The following CDH18 variants were observed in gnomAD, a reference collection of about 807,000 sequenced individuals.
CDH18 encodes cadherin 18.
CDH18 carries 31 observed loss-of-function variants against 67.9 expected under a neutral mutation model. The ratio of observed to expected loss-of-function variants is 0.46; its 90% CI spans 0.34 to 0.62. CDH18 has a LOEUF of 0.62. CDH18 is among the 20% of genes least tolerant of loss of function. The pLI, the probability that CDH18 is intolerant of heterozygous loss-of-function variation, is 0.01. For synonymous variants in CDH18, 362 were observed against 347.2 expected (o/e 1.04, Z -0.48); for missense variants, 890 against 975.5 (o/e 0.91, Z 1.17).
Position 19,720,358 on chromosome 5 carries a change from T to A in CDH18, c.643+989A>T, listed in dbSNP as rs1240685260. On this transcript the variant is annotated intron_variant, in intron 5 of 12. Coordinates refer to ENST00000382275, the MANE Select transcript of CDH18 (RefSeq NM_004934.5). ...AGATGTTGATCTGATTCAGAATGCATCTTGCGCTCAAGAAGGATGTATGGT... is the reference window on the plus strand; with the variant it reads ...AGATGTTGATCTGATTCAGAATGCAACTTGCGCTCAAGAAGGATGTATGGT... Among the ~76,000 whole-genome samples the A allele has an allele frequency of 3.3e-5, 5 of 152,188 alleles. No individual in the cohort carries two copies. In the East Asian group the frequency reaches 9.6e-4, roughly 29 times the overall value.
At chr5:20,073,180 G>A (rs1743633962) in intron 2 of CDH18, among the ~76,000 whole-genome samples, 5 of 152,124 alleles carry the variant, frequency 3.3e-5, no homozygotes. Flanking sequence ...ACTAAGATGA[G>A]AGTATCATTT....
chr5:20,314,288 G>A (rs989360272), intron 1 of CDH18, among the ~76,000 whole-genome samples: 6 of 152,000 alleles, frequency 3.9e-5, no homozygotes, highest in Non-Finnish European at 8.8e-5. Context: ...ACTAAAGTCT[G>A]AGGTTCTTCA....
At chr5:19,894,842 C>G (rs1789136577) in intron 2 of CDH18, among the ~76,000 whole-genome samples, 2 of 152,066 alleles carry the variant, frequency 1.3e-5, no homozygotes, top group African/African-American at 2.4e-5. Flanking sequence ...GTCACACTTG[C>G]CTGAAGAATT....
At chr5:19,671,842 G>A (rs1758794314) in intron 5 of CDH18, among the ~76,000 whole-genome samples, 1 of 152,054 alleles carries the variant, frequency 6.6e-6, no homozygotes, top group Admixed American at 6.6e-5. Flanking sequence ...TCATAAGGCA[G>A]GCCAAAAGCA....
intron 1 of CDH18, among the ~76,000 whole-genome samples, chr5:20,398,282 C>T (rs1000529278): frequency 6.6e-6 from 1 of 152,096 alleles, no homozygotes; most frequent in Non-Finnish European, 1.5e-5. Flanking sequence ...AACAGCATAG[C>T]CTTTCATTTT....
intron 5 of CDH18, among the ~76,000 whole-genome samples, chr5:19,714,568 A>G (rs1303426709): frequency 6.6e-6 from 1 of 151,450 alleles, no homozygotes; most frequent in Non-Finnish European, 1.5e-5. Flanking sequence ...AGAGGAACAA[A>G]TTACTTAGCT....
At chr5:19,716,973 G>A (rs1765418077) in intron 5 of CDH18, among the ~76,000 whole-genome samples, 1 of 151,868 alleles carries the variant, frequency 6.6e-6, no homozygotes, top group South Asian at 2.1e-4. Context: ...AGTATTTACT[G>A]GGCATGTGAA....
chr5:20,433,563 GTTA>G (rs1748941990), intron 1 of CDH18, among the ~76,000 whole-genome samples: 1 of 152,034 alleles, frequency 6.6e-6, no homozygotes, highest in Non-Finnish European at 1.5e-5. Flanking sequence ...GTGTTAATAT[GTTA>G]TTATGTTTAA....
At chr5:20,279,702 A>AT (rs1746085054) in intron 1 of CDH18, among the ~76,000 whole-genome samples, 2 of 142,248 alleles carry the variant, frequency 1.4e-5, no homozygotes, top group African/African-American at 5.2e-5. Context: ...TCTGTCTCAA[A>AT]AAAAAAAAAA....
chr5:19,714,172 G>A (rs984800001), intron 5 of CDH18, among the ~76,000 whole-genome samples: 1 of 152,142 alleles, frequency 6.6e-6, no homozygotes, highest in East Asian at 1.9e-4. Flanking sequence ...AAAGCTGATT[G>A]AGGGAGCATT....
At chr5:20,403,544 T>G (rs1387621820) in intron 1 of CDH18, among the ~76,000 whole-genome samples, 2 of 152,220 alleles carry the variant, frequency 1.3e-5, no homozygotes, top group Admixed American at 1.3e-4. Flanking sequence ...GTCAGGGTTT[T>G]GGGGGTTTAT....
At chr5:20,085,563 T>G (rs549333226) in intron 2 of CDH18, among the ~76,000 whole-genome samples, 7 of 152,290 alleles carry the variant, frequency 4.6e-5, no homozygotes, top group African/African-American at 1.7e-4. Context: ...TCTGTTTTCA[T>G]GCTTCTAATA....
intron 1 of CDH18, among the ~76,000 whole-genome samples, chr5:20,505,883 C>G (rs776412390): frequency 6.6e-6 from 1 of 152,170 alleles, no homozygotes; most frequent in African/African-American, 2.4e-5. Flanking sequence ...AGCATACACT[C>G]CCCCACGAGA....
At chr5:20,418,945 C>T (rs549920963) in intron 1 of CDH18, among the ~76,000 whole-genome samples, 2 of 152,102 alleles carry the variant, frequency 1.3e-5, no homozygotes, top group Non-Finnish European at 2.9e-5. Context: ...TCCATATTTT[C>T]ACTATGCGAG....
At chr5:19,818,071 ACAGTGGG>A (rs1779482877) in intron 3 of CDH18, among the ~76,000 whole-genome samples, 1 of 152,186 alleles carries the variant, frequency 6.6e-6, no homozygotes, top group Non-Finnish European at 1.5e-5. Context: ...ACAAAAACAG[ACAGTGGG>A]CTAGCTTTGA....
At chr5:20,085,523 C>T (rs1413615496) in intron 2 of CDH18, among the ~76,000 whole-genome samples, 3 of 152,132 alleles carry the variant, frequency 2.0e-5, no homozygotes, top group East Asian at 3.9e-4. Context: ...AGCAATGCCC[C>T]GCTCTACTGG....
chr5:19,551,365 A>G (rs950960469), intron 8 of CDH18, among the ~76,000 whole-genome samples: 1 of 152,210 alleles, frequency 6.6e-6, no homozygotes, highest in African/African-American at 2.4e-5. Flanking sequence ...TTTCTAAAAT[A>G]GACACAGCAT....
At chr5:20,049,334 T>C (rs1297231819) in intron 2 of CDH18, among the ~76,000 whole-genome samples, 2 of 151,258 alleles carry the variant, frequency 1.3e-5, no homozygotes, top group African/African-American at 4.8e-5. Flanking sequence ...AAAAAATACA[T>C]GACACTGGAG....
Position 19,479,944 on chromosome 5 carries a change from C to T in CDH18, c.1882+3357G>A, listed in dbSNP as rs60572505. 9.2e-3 allele frequency among the ~76,000 whole-genome samples: 1,405 copies of T among 152,116 alleles called. 24 individuals are homozygous for T. Among genetic ancestry groups the T allele is most frequent in the African/African-American group, 0.032 (1,335 of 41,496 alleles). On this transcript the variant is annotated intron_variant, in intron 12 of 12. Transcript: ENST00000382275. ...AATGAGAAAACATTTTCATAAAAAC[C>T]AATTAAAATGAAGTATCATTCCATG... is the stretch of plus-strand genomic sequence containing the variant.
Sources: gnomAD v4.1 joint callset for allele counts (sites outside exome capture counted in the v4.1 genomes callset) on GRCh38, gnomAD v4.1.1 for gene constraint, MANE v1.5 for transcripts, NCBI Gene and HGNC (gene_info 2026-07-23, HGNC 2026-07-21) for gene names.